The following SULT1C3 variants were observed in gnomAD, a reference collection of about 807,000 sequenced individuals.
SULT1C3 encodes the protein sulfotransferase 1C3.
A neutral mutation model predicts 28.4 loss-of-function variants in SULT1C3; 31 were observed. The ratio of observed to expected loss-of-function variants is 1.09; its 90% CI spans 0.82 to 1.47. The LOEUF (loss-of-function observed/expected upper bound fraction) is 1.47, where lower values mean the gene tolerates loss of function less well. Among genes scored for constraint, SULT1C3 ranks in the 40% most tolerant of loss-of-function variants. SULT1C3 has a pLI of 0.00. For missense variants in SULT1C3, 307 were observed against 272.5 expected, an observed-to-expected ratio of 1.13 and a Z score of -0.89; for synonymous variants, 106 against 92.2, an observed-to-expected ratio of 1.15 and a Z score of -0.86.
At chr2:108,257,747 C>T (rs1436658051) in intron 5 of SULT1C3, among the ~76,000 whole-genome samples, 1 of 151,998 alleles carries the variant, frequency 6.6e-6, no homozygotes, top group Non-Finnish European at 1.5e-5. Flanking sequence ...TAGGAAAAAA[C>T]ATAAACACTA....
At chr2:108,251,051 T>C (rs1675714846) in intron 2 of SULT1C3, among the ~76,000 whole-genome samples, 1 of 151,952 alleles carries the variant, frequency 6.6e-6, no homozygotes, top group Non-Finnish European at 1.5e-5. Flanking sequence ...GAAGTTTATT[T>C]CAAAAAACGT....
At chr2:108,255,862 A>T (rs1558665343) in intron 5 of SULT1C3, among the ~76,000 whole-genome samples, 164 bp downstream of exon 5, 1 of 152,036 alleles carries the variant, frequency 6.6e-6, no homozygotes, top group Non-Finnish European at 1.5e-5. Flanking sequence ...TTTTTCCAAA[A>T]TTGAGTACAA....
At chr2:108,243,359 C>T (rs896069446) in intron 1 of SULT1C3, among the ~76,000 whole-genome samples, 2 of 152,182 alleles carry the variant, frequency 1.3e-5, no homozygotes, top group Admixed American at 6.5e-5. Context: ...GGGCCGGGCG[C>T]GGTGGCTCAC....
In SULT1C3 at chr2:108,241,180, C is replaced by T. The variant is rs377256175; in HGVS notation, c.-8+1097C>T. 5.3e-5 allele frequency among the ~76,000 whole-genome samples: 8 copies of T among 152,236 alleles called. No individual in the cohort carries two copies. In the East Asian group the frequency reaches 5.8e-4, roughly 11 times the overall value. On this transcript the variant is annotated intron_variant, in intron 1 of 7. Transcript: ENST00000681802. ...CTCTCCCCAAGAGGCTTTATTGGCTCTGCGTGTCACGCTTGATTCCTCAAA... is the reference window on the plus strand; with the variant it reads ...CTCTCCCCAAGAGGCTTTATTGGCTTTGCGTGTCACGCTTGATTCCTCAAA...
chr2:108,261,193 C>A (rs141976300), downstream of SULT1C3, among the ~76,000 whole-genome samples: 246 of 152,184 alleles, frequency 1.6e-3, no homozygotes, highest in African/African-American at 5.3e-3. Context: ...ATTACTACTG[C>A]AAAATATCAA....
At chr2:108,263,169 G>A (rs1053884776), downstream of SULT1C3, among the ~76,000 whole-genome samples, 13 of 152,138 alleles carry the variant, frequency 8.5e-5, no homozygotes, top group South Asian at 4.2e-4. Context: ...TCCAATAAAC[G>A]TGTTTGTGGA....
chr2:108,263,416 C>A (rs565618725), downstream of SULT1C3, among the ~76,000 whole-genome samples: 1 of 152,230 alleles, frequency 6.6e-6, no homozygotes, highest in Admixed American at 6.6e-5. Flanking sequence ...ATTAATGCAA[C>A]CTGCCTGCCA....
intron 4 of SULT1C3, among the ~76,000 whole-genome samples, chr2:108,254,553 T>C (rs1201561857): frequency 1.3e-5 from 2 of 151,866 alleles, no homozygotes; most frequent in Non-Finnish European, 2.9e-5. Context: ...GACTTGATCG[T>C]GCCCAATTTG....
At chr2:108,243,058 C>T (rs948213651) in intron 1 of SULT1C3, among the ~76,000 whole-genome samples, 1 of 152,100 alleles carries the variant, frequency 6.6e-6, no homozygotes, top group African/African-American at 2.4e-5. Context: ...TTCAATTTTA[C>T]AAAAAGTAAC....
At chr2:108,258,518 A>T (rs1411564935) in intron 5 of SULT1C3, among the ~76,000 whole-genome samples, 35 of 152,170 alleles carry the variant, frequency 2.3e-4, no homozygotes, top group Admixed American at 2.2e-3. Flanking sequence ...GTCACAAGAC[A>T]TAGTCAATGT....
At chr2:108,258,458 GGTTTACCA>G (rs1191712457) in intron 5 of SULT1C3, among the ~76,000 whole-genome samples, 1 of 152,050 alleles carries the variant, frequency 6.6e-6, no homozygotes, top group African/African-American at 2.4e-5. Flanking sequence ...AACTAAACAT[GGTTTACCA>G]GGAACAGGGG....
chr2:108,243,941 A>G (rs113174837), intron 1 of SULT1C3, among the ~76,000 whole-genome samples: 2,749 of 152,338 alleles, frequency 0.018, 85 homozygotes, highest in African/African-American at 0.062. Context: ...CCATGTAGTT[A>G]CAGGTCATGT....
At chr2:108,261,592 G>A (rs1244278665), downstream of SULT1C3, among the ~76,000 whole-genome samples, 1 of 152,130 alleles carries the variant, frequency 6.6e-6, no homozygotes, top group Non-Finnish European at 1.5e-5. Context: ...GTAGGTGGAT[G>A]CCAACAGGGC....
chr2:108,241,562 T>C (rs13425781), intron 1 of SULT1C3, among the ~76,000 whole-genome samples: 16,310 of 152,276 alleles, frequency 0.11, 1,357 homozygotes, highest in African/African-American at 0.23. Context: ...CTTGTCTTGC[T>C]TGATATTTAA....
At chr2:108,257,318 G>C (rs572204553) in intron 5 of SULT1C3, among the ~76,000 whole-genome samples, 3 of 151,874 alleles carry the variant, frequency 2.0e-5, no homozygotes, top group Non-Finnish European at 4.4e-5. Context: ...TTTAAAACAT[G>C]CCAAGACCCA....
rs57768246 is a variant in SULT1C3, at chr2:108,252,147, T to TTAGATAGA, written c.173-184_173-177dup. 7.7e-3 allele frequency among the ~76,000 whole-genome samples: 1,149 copies of TTAGATAGA among 149,072 alleles called. 5 individuals carry two copies. Among genetic ancestry groups the TTAGATAGA allele is most frequent in the East Asian group, 0.026 (129 of 4,982 alleles). On this transcript the variant is annotated intron_variant, in intron 2 of 7. Transcript: ENST00000681802. ...GATACATAAAGAAACAGATGATAGA[T>TTAGATAGA]TAGATAGATAGATAGATAGATAGAT...
intron 5 of SULT1C3, 64 bp downstream of exon 5, chr2:108,255,762 A>G: frequency 1.9e-6 from 3 of 1,545,060 alleles, no homozygotes; most frequent in South Asian, 2.5e-5. Context: ...GCACCTCTGT[A>G]AACTGGAGGA....
At chr2:108,255,816 A>G in intron 5 of SULT1C3, 118 bp downstream of exon 5, 1 of 1,296,756 alleles carries the variant, frequency 7.7e-7, no homozygotes, top group Non-Finnish European at 1.0e-6. Context: ...TCCTATCTTG[A>G]TGATCTGGGA....
At chr2:108,254,116 T>TC (rs1675802555) in intron 4 of SULT1C3, among the ~76,000 whole-genome samples, 1 of 151,892 alleles carries the variant, frequency 6.6e-6, no homozygotes. Flanking sequence ...CTGAGGTATT[T>TC]CCCCACTATA....
Sources: gnomAD v4.1 joint callset for allele counts (sites outside exome capture counted in the v4.1 genomes callset) on GRCh38, gnomAD v4.1.1 for gene constraint, MANE v1.5 for transcripts, NCBI Gene and HGNC (gene_info 2026-07-23, HGNC 2026-07-21) for gene names.